The following RIMS2 variants were observed in gnomAD, a reference collection of about 807,000 sequenced individuals.
RIMS2 encodes the protein regulating synaptic membrane exocytosis protein 2.
A neutral mutation model predicts 174.4 loss-of-function variants in RIMS2; 59 were observed. The observed-to-expected ratio is 0.34, with a 90% CI of 0.27 to 0.42. RIMS2 has a LOEUF of 0.42. Ranked by LOEUF, RIMS2 falls within the 10% of genes least tolerant of loss-of-function variation. The probability of loss-of-function intolerance (pLI) is 1.00; values close to 1 mark genes in which losing one functional copy is unlikely to be tolerated. For missense variants in RIMS2, 1,620 were observed against 1,666.3 expected (o/e 0.97, Z 0.48); for synonymous variants, 606 against 572.5 (o/e 1.06, Z -0.84).
At chr8:104,162,835 A>G (rs752260333) in intron 19 of RIMS2, among the ~76,000 whole-genome samples, 6 of 152,218 alleles carry the variant, frequency 3.9e-5, no homozygotes, top group Non-Finnish European at 8.8e-5. Flanking sequence ...ATTAAAATTT[A>G]TAAGTGCCTT....
intron 2 of RIMS2, among the ~76,000 whole-genome samples, chr8:103,740,782 ATAAATAG>A (rs1403801051): frequency 2.0e-5 from 3 of 152,190 alleles, no homozygotes; most frequent in Non-Finnish European, 2.9e-5. Flanking sequence ...CCAGTGGAAT[ATAAATAG>A]CATAGCAGTT....
intron 19 of RIMS2, among the ~76,000 whole-genome samples, chr8:104,122,958 T>A (rs1481357600): frequency 6.6e-6 from 1 of 152,154 alleles, no homozygotes; most frequent in Non-Finnish European, 1.5e-5. Flanking sequence ...TATTGCTGAA[T>A]AAAGAATGTA....
At chr8:103,982,389 G>T (rs900605324) in intron 16 of RIMS2, among the ~76,000 whole-genome samples, 2 of 148,812 alleles carry the variant, frequency 1.3e-5, no homozygotes, top group African/African-American at 5.0e-5. Flanking sequence ...TTCCAAACTC[G>T]TTCTACAAGG....
intron 6 of RIMS2, among the ~76,000 whole-genome samples, chr8:103,912,776 C>G (rs545625876): frequency 6.6e-6 from 1 of 151,924 alleles, no homozygotes; most frequent in African/African-American, 2.4e-5. Context: ...TTAAATAGAG[C>G]TTTGTTTGTT....
intron 3 of RIMS2, among the ~76,000 whole-genome samples, chr8:103,782,207 A>G (rs1176022595): frequency 6.6e-6 from 1 of 151,140 alleles, no homozygotes; most frequent in African/African-American, 2.4e-5. Context: ...TACGTACACT[A>G]TATATATATT....
chr8:103,961,060 T>A lies in RIMS2; in HGVS notation c.2702-5T>A, dbSNP rs1373181733. Reference sequence around the variant, plus strand: ...TTTTAATTATTGCTATTGTTTACTTTATAGGGTCAAAGAGAATAAGTGATA... The same window carrying A: ...TTTTAATTATTGCTATTGTTTACTTAATAGGGTCAAAGAGAATAAGTGATA... On this transcript the variant is annotated splice_region_variant and splice_polypyrimidine_tract_variant and intron_variant, in intron 14 of 23. Coordinates refer to ENST00000504942, the Ensembl canonical transcript of RIMS2. The A allele has an allele frequency of 1.4e-6, 2 of 1,425,576 alleles. No homozygotes were observed. Among genetic ancestry groups the A allele is most frequent in the East Asian group, 4.6e-5 (2 of 43,862 alleles). 88.3% of individuals were successfully genotyped at this position (1,425,576 alleles called of 1,614,324 possible). A position where few individuals can be genotyped will look rare whatever the true frequency, so the allele number is the denominator to read the frequency against.
chr8:103,534,024 G>A lies in RIMS2; in HGVS notation c.176+32962G>A, dbSNP rs183622257. Among the ~76,000 whole-genome samples, 241 of 152,310 alleles carry A rather than the reference G, an allele frequency of 1.6e-3. 2 individuals are homozygous for A. Among genetic ancestry groups the A allele is most frequent in the African/African-American group, 5.2e-3 (218 of 41,574 alleles). On this transcript the variant is annotated intron_variant, in intron 1 of 23. Coordinates refer to ENST00000504942, the Ensembl canonical transcript of RIMS2. ...TCAATTTTTTGAGCTCAAGGCTGAC[G>A]TTGAACTGTTTCTGAAAAATACACT...
rs374266609 is a variant in RIMS2, at chr8:103,788,934, G to A, written c.698+22397G>A. On this transcript the variant is annotated intron_variant, in intron 3 of 23. Transcript: ENST00000504942. ...TAGCAATCAGCGAGACTCCGTGGGC[G>A]TTGGACCCTCTGAGCCAGGTGCGGG... 2.8e-4 allele frequency among the ~76,000 whole-genome samples: 43 copies of A among 152,326 alleles called. No individual in the cohort carries two copies. The East Asian group carries it at 3.9e-3, about 14-fold the overall frequency.
chr8:103,747,656 AAG>A lies in RIMS2; in HGVS notation c.388-18567_388-18566del, dbSNP rs1383180657. Among the ~76,000 whole-genome samples the A allele has an allele frequency of 1.6e-4, 24 of 152,110 alleles. 1 individual carries two copies. Among genetic ancestry groups the A allele is most frequent in the Admixed American group, 7.9e-4 (12 of 15,268 alleles). ...TGGATGTATCTTAAAAGTGGGATAA[AAG>A]AGATTTTATGATGGAATATATGTAG... On this transcript the variant is annotated intron_variant, in intron 2 of 23. Coordinates refer to ENST00000504942, the Ensembl canonical transcript of RIMS2.
intron 4 of RIMS2, among the ~76,000 whole-genome samples, chr8:103,904,914 A>G (rs572244693): frequency 6.6e-6 from 1 of 151,398 alleles, no homozygotes; most frequent in Non-Finnish European, 1.5e-5. Flanking sequence ...TTCTTTTTGT[A>G]GGTTTTTTTG....
In RIMS2 at chr8:103,733,548, C is replaced by A. The variant is rs559102013; in HGVS notation, c.388-32679C>A. Among the ~76,000 whole-genome samples, 184 of 152,296 alleles carry A rather than the reference C, an allele frequency of 1.2e-3. 1 individual carries two copies. The highest frequency in any genetic ancestry group is 3.8e-3 in the Admixed American group (58 of 15,300). Reference sequence around the variant, plus strand: ...TTCAAGTTTATTTAGAACCCTGGAACACTTTAGCACATGGTGGTGAGGCTT... The same window carrying A: ...TTCAAGTTTATTTAGAACCCTGGAAAACTTTAGCACATGGTGGTGAGGCTT... On this transcript the variant is annotated intron_variant, in intron 2 of 23. Coordinates refer to ENST00000504942, the Ensembl canonical transcript of RIMS2.
intron 2 of RIMS2, among the ~76,000 whole-genome samples, chr8:103,736,145 A>G (rs2097682592): frequency 6.6e-6 from 1 of 152,212 alleles, no homozygotes; most frequent in African/African-American, 2.4e-5. Context: ...TAGCCATAGT[A>G]ATTTTCAGAG....
chr8:104,099,616 G>A (rs1054471422), intron 19 of RIMS2, among the ~76,000 whole-genome samples: 7 of 152,060 alleles, frequency 4.6e-5, no homozygotes, highest in African/African-American at 1.7e-4. Flanking sequence ...ATTTCCTACT[G>A]AAATTTCAGT....
At chr8:104,187,320 G>A (rs1330063774) in intron 19 of RIMS2, among the ~76,000 whole-genome samples, 1 of 151,778 alleles carries the variant, frequency 6.6e-6, no homozygotes, top group African/African-American at 2.4e-5. Context: ...TTTCAATTCA[G>A]TGCTTATAAT....
At chr8:103,687,346 G>A (rs1398706346) in intron 1 of RIMS2, among the ~76,000 whole-genome samples, 4 of 150,564 alleles carry the variant, frequency 2.7e-5, no homozygotes, top group Non-Finnish European at 3.0e-5. Context: ...ATTCTAACTC[G>A]AGGTTTATCA....
chr8:103,985,473 CAAAAAAAAAAAAAAAAAA>C (rs58750334), intron 16 of RIMS2, among the ~76,000 whole-genome samples: 6 of 36,152 alleles, frequency 1.7e-4, no homozygotes, highest in African/African-American at 9.2e-4. Flanking sequence ...GACTCTGTCT[CAAAAAAAAAAAAAAAAAA>C]AAAAAAAAAA....
At chr8:104,034,631 G>A (rs1332810131) in intron 19 of RIMS2, among the ~76,000 whole-genome samples, 1 of 151,638 alleles carries the variant, frequency 6.6e-6, no homozygotes, top group African/African-American at 2.4e-5. Flanking sequence ...CACCACGCCT[G>A]GATAATTTTT....
At chr8:103,739,015 C>T (rs1294233384) in intron 2 of RIMS2, among the ~76,000 whole-genome samples, 2 of 152,164 alleles carry the variant, frequency 1.3e-5, no homozygotes, top group Non-Finnish European at 2.9e-5. Flanking sequence ...TTGACGTAGC[C>T]ATCCCATTAC....
intron 1 of RIMS2, among the ~76,000 whole-genome samples, chr8:103,631,905 G>C (rs1439996833): frequency 6.6e-6 from 1 of 152,070 alleles, no homozygotes; most frequent in African/African-American, 2.4e-5. Context: ...GAATTAAACT[G>C]TTCTTGACTT....
Sources: gnomAD v4.1 joint callset for allele counts (sites outside exome capture counted in the v4.1 genomes callset) on GRCh38, gnomAD v4.1.1 for gene constraint, MANE v1.5 for transcripts, NCBI Gene and HGNC (gene_info 2026-07-23, HGNC 2026-07-21) for gene names.